DTD1: variants seen among roughly 807,000 people sequenced by gnomAD.
The protein encoded by DTD1 is D-aminoacyl-tRNA deacylase 1, also known as D-tyrosyl-tRNA deacylase 1 homolog.
A neutral mutation model predicts 25.6 loss-of-function variants in DTD1; 13 were observed. The observed-to-expected ratio is 0.51, with a 90% CI of 0.33 to 0.81. The LOEUF is 0.81. Among genes scored for constraint, DTD1 ranks in the 30% least tolerant of loss-of-function variants. The pLI, the probability that DTD1 is intolerant of heterozygous loss-of-function variation, is 0.02. For missense variants in DTD1, 193 were observed against 266.4 expected, an observed-to-expected ratio of 0.72 and a Z score of 1.92; for synonymous variants, 110 against 103.6, an observed-to-expected ratio of 1.06 and a Z score of -0.37.
intron 4 of DTD1, among the ~76,000 whole-genome samples, chr20:18,641,142 C>G (rs891703420): frequency 1.3e-5 from 2 of 152,162 alleles, no homozygotes; most frequent in African/African-American, 4.8e-5. Flanking sequence ...CTTCAAGATT[C>G]ATCCATGTTG....
chr20:18,702,744 CAAAAAAA>C (rs10583250), intron 4 of DTD1, among the ~76,000 whole-genome samples: 1 of 123,114 alleles, frequency 8.1e-6, no homozygotes, highest in Admixed American at 8.2e-5. Context: ...TGGAATGAGG[CAAAAAAA>C]AAAAAAAAAA....
At chr20:18,735,457 C>T (rs2061251767) in intron 4 of DTD1, among the ~76,000 whole-genome samples, 1 of 152,208 alleles carries the variant, frequency 6.6e-6, no homozygotes, top group Admixed American at 6.5e-5. Context: ...TGACAGCTGC[C>T]TGGAGGTGGC....
chr20:18,694,946 T>C (rs1271261970), intron 4 of DTD1, among the ~76,000 whole-genome samples: 2 of 152,206 alleles, frequency 1.3e-5, no homozygotes, highest in Middle Eastern at 3.4e-3. Context: ...AAGTGGCACC[T>C]CAGAGCCACC....
At chr20:18,728,802 G>C (rs372970632) in intron 4 of DTD1, among the ~76,000 whole-genome samples, 1 of 152,204 alleles carries the variant, frequency 6.6e-6, no homozygotes, top group East Asian at 1.9e-4. Context: ...CTGTCTGGTG[G>C]TAGGTGTATT....
chr20:18,675,591 T>C (rs1343657411), intron 4 of DTD1: 1 of 152,108 alleles, frequency 6.6e-6, no homozygotes, highest in Non-Finnish European at 1.5e-5. Flanking sequence ...CTTTGTACTC[T>C]TTAAATCAAT....
intron 4 of DTD1, among the ~76,000 whole-genome samples, chr20:18,661,371 C>CTTTTTTTTTTTTTTTTTTTTTTTTTTAT (rs565601536): frequency 8.3e-6 from 1 of 120,212 alleles, no homozygotes. Flanking sequence ...GTCTTCTAGT[C>CTTTTTTTTTTTTTTTTTTTTTTTTTTAT]TTTTTTTTTT....
At chr20:18,616,317 C>T (rs2060708810) in intron 3 of DTD1, among the ~76,000 whole-genome samples, 1 of 152,170 alleles carries the variant, frequency 6.6e-6, no homozygotes, top group African/African-American at 2.4e-5. Flanking sequence ...ACATGTAAAT[C>T]ATCTTCACAG....
intron 4 of DTD1, among the ~76,000 whole-genome samples, chr20:18,727,482 C>T (rs2061226460): frequency 6.6e-6 from 1 of 152,056 alleles, no homozygotes; most frequent in Non-Finnish European, 1.5e-5. Context: ...TGATGATGCT[C>T]TTCGGCCCTG....
chr20:18,602,902 A>AG (rs1172860288), intron 3 of DTD1, among the ~76,000 whole-genome samples: 1 of 115,690 alleles, frequency 8.6e-6, no homozygotes, highest in East Asian at 2.2e-4. Context: ...TCATAATGAC[A>AG]GGATCAAATT....
chr20:18,746,471 G>A (rs1232282072), intron 5 of DTD1, among the ~76,000 whole-genome samples: 3 of 152,132 alleles, frequency 2.0e-5, no homozygotes, highest in Non-Finnish European at 2.9e-5. Context: ...GTTGAAGTGA[G>A]AGAATCACTC....
chr20:18,723,418 A>G (rs1338459873), intron 4 of DTD1, among the ~76,000 whole-genome samples: 3 of 152,252 alleles, frequency 2.0e-5, no homozygotes, highest in Non-Finnish European at 2.9e-5. Context: ...AGTATATTTC[A>G]GGAACCTTAG....
chr20:18,719,418 G>A lies in DTD1; in HGVS notation c.478-24682G>A, dbSNP rs1308582311. On this transcript the variant is annotated intron_variant, in intron 4 of 5. Transcript: ENST00000377452. ...TTTTGTAGGTGAGTCCTTAAAATAT[G>A]GCATCTGAGGAATTAGCCACTAAAC... 2.6e-5 allele frequency among the ~76,000 whole-genome samples: 4 copies of A among 152,214 alleles called. No homozygotes were observed. In the East Asian group the frequency reaches 7.7e-4, roughly 29 times the overall value.
At chr20:18,703,734 T>TC (rs140967118) in intron 4 of DTD1, among the ~76,000 whole-genome samples, 69,193 of 151,590 alleles carry the variant, frequency 0.46, 16,737 homozygotes, top group East Asian at 0.59. Context: ...TTCAGTTTTT[T>TC]TTTTTGTTTC....
intron 3 of DTD1, among the ~76,000 whole-genome samples, chr20:18,617,990 G>A (rs1372868215): frequency 6.6e-6 from 1 of 152,068 alleles, no homozygotes; most frequent in Non-Finnish European, 1.5e-5. Flanking sequence ...TGTATTGTTG[G>A]ACTCCTGGAT....
intron 5 of DTD1, among the ~76,000 whole-genome samples, chr20:18,748,265 C>G (rs1198019392): frequency 1.3e-5 from 2 of 152,080 alleles, no homozygotes; most frequent in Admixed American, 6.5e-5. Context: ...TCAAATACCA[C>G]CTAGCTGATT....
rs8119631 is a variant in DTD1 at position 18,719,906 on chromosome 20, G to C, written c.478-24194G>C. Among the ~76,000 whole-genome samples, 145 of 152,310 alleles carry C rather than the reference G, an allele frequency of 9.5e-4. 1 individual carries two copies. Among genetic ancestry groups the C allele is most frequent in the African/African-American group, 3.0e-3 (124 of 41,574 alleles). On this transcript the variant is annotated intron_variant, in intron 4 of 5. Coordinates refer to ENST00000377452, the MANE Select transcript of DTD1 (RefSeq NM_080820.6). ...AAATCTGGTTCTTGAGTCTGATATT[G>C]TTATCACCATTTATCAAAATACAGC...
At chr20:18,624,958 G>A (rs1223462681) in intron 3 of DTD1, among the ~76,000 whole-genome samples, 3 of 152,158 alleles carry the variant, frequency 2.0e-5, no homozygotes, top group Non-Finnish European at 4.4e-5. Context: ...AATTGAGGGT[G>A]GCCCTGTTAG....
At chr20:18,635,577 A>C (rs2060803979) in intron 4 of DTD1, among the ~76,000 whole-genome samples, 1 of 152,218 alleles carries the variant, frequency 6.6e-6, no homozygotes, top group East Asian at 1.9e-4. Flanking sequence ...TGCTCTGCAC[A>C]GTCAGAATTT....
intron 4 of DTD1, among the ~76,000 whole-genome samples, chr20:18,660,733 C>T (rs2060906691): frequency 6.6e-6 from 1 of 151,898 alleles, no homozygotes; most frequent in African/African-American, 2.4e-5. Context: ...AAAATTAACC[C>T]TATATACCAT....
Sources: allele counts gnomAD v4.1 joint callset (sites outside exome capture counted in the v4.1 genomes callset), GRCh38; gene constraint gnomAD v4.1.1; transcripts MANE v1.5; gene names NCBI Gene and HGNC (gene_info 2026-07-23, HGNC 2026-07-21).